The following TMEM212 variants were observed in gnomAD, a reference collection of about 807,000 sequenced individuals.
TMEM212 encodes transmembrane protein 212.
A neutral mutation model predicts 20.5 loss-of-function variants in TMEM212; 23 were observed. The observed-to-expected ratio is 1.12, with a 90% confidence interval of 0.81 to 1.59. TMEM212 has a LOEUF of 1.59. Among genes scored for constraint, TMEM212 ranks in the 40% most tolerant of loss-of-function variants. TMEM212 has a pLI of 0.00. For missense variants in TMEM212, 211 were observed against 215.0 expected, an observed-to-expected ratio of 0.98 and a Z score of 0.12; for synonymous variants, 76 against 81.6, an observed-to-expected ratio of 0.93 and a Z score of 0.37.
intron 2 of TMEM212, among the ~76,000 whole-genome samples, chr3:171,852,630 C>T (rs1331653993): frequency 6.6e-6 from 1 of 152,172 alleles, no homozygotes; most frequent in South Asian, 2.1e-4. Flanking sequence ...GATCTATAGG[C>T]TTCTCTGCTT....
intron 2 of TMEM212, among the ~76,000 whole-genome samples, chr3:171,852,863 A>G (rs576198399): frequency 6.6e-6 from 1 of 152,376 alleles, no homozygotes; most frequent in East Asian, 1.9e-4. Context: ...ATGTAAATCA[A>G]CTAGAGATCT....
intron 2 of TMEM212, among the ~76,000 whole-genome samples, chr3:171,852,398 GCCATGTTGGC>G (rs1724998405): frequency 6.6e-6 from 1 of 151,958 alleles, no homozygotes; most frequent in Admixed American, 6.6e-5. Context: ...ACAGGGTTTC[GCCATGTTGGC>G]CAGGCTGGTC....
At chr3:171,851,592 G>A (rs1278167116) in intron 1 of TMEM212, among the ~76,000 whole-genome samples, 1 of 152,168 alleles carries the variant, frequency 6.6e-6, no homozygotes, top group Non-Finnish European at 1.5e-5. Flanking sequence ...TTTCCATTCT[G>A]GTTCCTTCCA....
At chr3:171,857,590 T>C (rs1725148621) in intron 4 of TMEM212, among the ~76,000 whole-genome samples, 1 of 151,818 alleles carries the variant, frequency 6.6e-6, no homozygotes, top group African/African-American at 2.4e-5. Flanking sequence ...AAGAAAACAA[T>C]CAACAAAATG....
intron 3 of TMEM212, among the ~76,000 whole-genome samples, chr3:171,854,453 G>A (rs1725064494): frequency 6.6e-6 from 1 of 152,048 alleles, no homozygotes; most frequent in Admixed American, 6.6e-5. Context: ...GAATGTGAAA[G>A]ATCTGTATAC....
At chr3:171,853,941 T>C in intron 3 of TMEM212, 91 bp downstream of exon 3, 1 of 991,472 alleles carries the variant, frequency 1.0e-6, no homozygotes, top group Non-Finnish European at 1.5e-6. Flanking sequence ...CTTTCTCTGT[T>C]ATTTACCATT....
At chr3:171,844,295 TAC>T (rs1724783708) in intron 1 of TMEM212, among the ~76,000 whole-genome samples, 1 of 152,180 alleles carries the variant, frequency 6.6e-6, no homozygotes, top group Non-Finnish European at 1.5e-5. Context: ...TAAGAGAAGT[TAC>T]AGAGACCCAC....
intron 1 of TMEM212, among the ~76,000 whole-genome samples, chr3:171,849,228 C>G (rs1724912744): frequency 6.6e-6 from 1 of 152,184 alleles, no homozygotes; most frequent in Non-Finnish European, 1.5e-5. Context: ...CTTAAACCCA[C>G]TTCAGATCCT....
chr3:171,852,492 C>T (rs115063687), intron 2 of TMEM212, among the ~76,000 whole-genome samples: 5,004 of 152,292 alleles, frequency 0.033, 292 homozygotes, highest in African/African-American at 0.12. Context: ...TTAGCTACTG[C>T]GCCCAGCCCT....
chr3:171,846,205 T>C (rs143697958), intron 1 of TMEM212, among the ~76,000 whole-genome samples: 2 of 152,342 alleles, frequency 1.3e-5, no homozygotes, highest in East Asian at 3.9e-4. Flanking sequence ...CTAAAGCCTC[T>C]TCCTGAACTT....
At chr3:171,856,738 G>A (rs775918987) in intron 4 of TMEM212, 31 bp downstream of exon 4, 2 of 637,492 alleles carry the variant, frequency 3.1e-6, no homozygotes, top group South Asian at 1.8e-5. Context: ...AAAAGGCCTG[G>A]GACCAGAATA....
intron 3 of TMEM212, among the ~76,000 whole-genome samples, chr3:171,855,967 T>A (rs565222688): frequency 1.4e-4 from 22 of 152,302 alleles, no homozygotes; most frequent in African/African-American, 4.8e-4. Context: ...AAAAACTATT[T>A]AATGGTTGCT....
intron 1 of TMEM212, among the ~76,000 whole-genome samples, chr3:171,851,426 C>A (rs1357615223): frequency 6.6e-6 from 1 of 152,170 alleles, no homozygotes; most frequent in Non-Finnish European, 1.5e-5. Context: ...GTACCCAGAA[C>A]AATAAATGCC....
chr3:171,853,434 T>C (rs1419053404), intron 2 of TMEM212, 93 bp from the exon 3 acceptor site: 3 of 1,040,876 alleles, frequency 2.9e-6, no homozygotes, highest in Admixed American at 2.8e-5. Flanking sequence ...GAGAGATTCA[T>C]AGCCAGCATC....
chr3:171,856,631 A>T, intron 3 of TMEM212, 32 bp from the exon 4 acceptor site: 1 of 673,622 alleles, frequency 1.5e-6, no homozygotes, highest in South Asian at 1.6e-5. Context: ...AAGAAGCCTT[A>T]TCAAATTTGC....
rs572361618 is a variant in TMEM212, at chr3:171,858,022, T to A, written c.*4-39T>A. On this transcript the variant is annotated intron_variant, in intron 4 of 4. Coordinates refer to ENST00000334567, the MANE Select transcript of TMEM212 (RefSeq NM_001164436.2). ...AAGGTAATTTATAGATTCAATGCCA[T>A]CCCATCAAGCTACCAATGACCAATG... is the stretch of plus-strand genomic sequence containing the variant. The A allele has an allele frequency of 2.7e-4, 41 of 152,108 alleles. 1 individual carries two copies. The highest frequency in any genetic ancestry group is 9.9e-4 in the African/African-American group (41 of 41,474). The allele number at this position is 152,108 out of a possible 1,614,324, so 9.4% of individuals were successfully genotyped here.
chr3:171,849,130 T>C (rs1332491768), intron 1 of TMEM212, among the ~76,000 whole-genome samples: 1 of 152,096 alleles, frequency 6.6e-6, no homozygotes, highest in Non-Finnish European at 1.5e-5. Flanking sequence ...TCCCTAAGCA[T>C]GGCAGCCACT....
At chr3:171,856,564 G>T in intron 3 of TMEM212, 99 bp from the exon 4 acceptor site, 1 of 521,620 alleles carries the variant, frequency 1.9e-6, no homozygotes, top group South Asian at 2.9e-5. Context: ...GTAAATTTGG[G>T]AGCTAAGTGG....
At chr3:171,845,689 G>T (rs1032296443) in intron 1 of TMEM212, among the ~76,000 whole-genome samples, 1 of 152,162 alleles carries the variant, frequency 6.6e-6, no homozygotes, top group Non-Finnish European at 1.5e-5. Flanking sequence ...AATGGAGTCA[G>T]AGATAAAGGA....
Sources: gnomAD v4.1 joint callset for allele counts (sites outside exome capture counted in the v4.1 genomes callset) on GRCh38, gnomAD v4.1.1 for gene constraint, MANE v1.5 for transcripts, NCBI Gene and HGNC (gene_info 2026-07-23, HGNC 2026-07-21) for gene names.